SYCP1: variants seen among roughly 807,000 people sequenced by gnomAD.
The protein encoded by SYCP1 is cancer/testis antigen 8.
In SYCP1, 64 loss-of-function variants were observed where a neutral mutation model predicts 153.1. The ratio of observed to expected loss-of-function variants is 0.42; its 90% confidence interval spans 0.34 to 0.51. The LOEUF (loss-of-function observed/expected upper bound fraction) is 0.51, where lower values mean the gene tolerates loss of function less well. Among genes scored for constraint, SYCP1 ranks in the 20% least tolerant of loss-of-function variants. The pLI, the probability that SYCP1 is intolerant of heterozygous loss-of-function variation, is 0.06. For synonymous variants in SYCP1, 384 were observed against 341.8 expected (o/e 1.12, Z -1.36); for missense variants, 997 against 1,049.0 (o/e 0.95, Z 0.68).
intron 27 of SYCP1, among the ~76,000 whole-genome samples, chr1:114,963,602 T>G (rs1324416740): frequency 6.6e-6 from 1 of 152,048 alleles, no homozygotes; most frequent in African/African-American, 2.4e-5. Flanking sequence ...CAGCTTCCAC[T>G]TACAAGTGAG....
intron 27 of SYCP1, among the ~76,000 whole-genome samples, chr1:114,950,937 G>T (rs1221376704): frequency 3.3e-5 from 5 of 151,242 alleles, no homozygotes; most frequent in Non-Finnish European, 7.4e-5. Flanking sequence ...CCATTCTCCT[G>T]CCTCAGCCTC....
chr1:114,910,216 C>G (rs1477511592), intron 16 of SYCP1, 181 bp from the exon 17 acceptor site: 2 of 420,770 alleles, frequency 4.8e-6, no homozygotes, highest in Non-Finnish European at 4.4e-6. Flanking sequence ...GCTGTGTCTA[C>G]TGAATTGTCT....
chr1:114,954,972 G>GGGAGA, intron 27 of SYCP1, among the ~76,000 whole-genome samples: 1 of 152,266 alleles, frequency 6.6e-6, no homozygotes, highest in Admixed American at 6.5e-5. Flanking sequence ...CATGCTTGCA[G>GGGAGA]TATTGATAAA....
At chr1:114,885,160 CTA>C (rs930524440) in intron 12 of SYCP1, among the ~76,000 whole-genome samples, 4 of 152,044 alleles carry the variant, frequency 2.6e-5, no homozygotes, top group Admixed American at 6.5e-5. Flanking sequence ...TCTTTTTATT[CTA>C]TGTTTTATGA....
At chr1:114,866,902 CTTT>C (rs36051645) in intron 8 of SYCP1, among the ~76,000 whole-genome samples, 2 of 139,660 alleles carry the variant, frequency 1.4e-5, no homozygotes, top group Non-Finnish European at 1.6e-5. Flanking sequence ...TGTCCAGATT[CTTT>C]TTTTTTTTTT....
intron 16 of SYCP1, among the ~76,000 whole-genome samples, chr1:114,897,309 C>T (rs1667138958): frequency 6.6e-6 from 1 of 152,024 alleles, no homozygotes; most frequent in South Asian, 2.1e-4. Context: ...GTTGCATGAC[C>T]GTTTTGGAGT....
intron 24 of SYCP1, 130 bp from the exon 25 acceptor site, chr1:114,944,742 T>A: frequency 1.4e-6 from 1 of 732,612 alleles, no homozygotes; most frequent in South Asian, 1.9e-5. Context: ...AACAGTGCAT[T>A]TTCTACTTGT....
chr1:114,944,584 A>G (rs991906182), intron 24 of SYCP1, 129 bp downstream of exon 24: 11 of 639,900 alleles, frequency 1.7e-5, no homozygotes, highest in East Asian at 3.0e-5. Flanking sequence ...GTAAATTTAT[A>G]TAAGGGTCAG....
At chr1:114,994,622 A>T in intron 30 of SYCP1, 76 bp from the exon 31 acceptor site, 6 of 1,134,214 alleles carry the variant, frequency 5.3e-6, no homozygotes, top group Non-Finnish European at 1.2e-6. Flanking sequence ...CTCACATGTG[A>T]TATGTTGACA....
chr1:114,875,021 CT>C, intron 9 of SYCP1, among the ~76,000 whole-genome samples: 2 of 152,176 alleles, frequency 1.3e-5, no homozygotes, highest in Middle Eastern at 6.8e-3. Flanking sequence ...ACTTTTATGT[CT>C]AAGATCTTAT....
At chr1:114,986,112 A>C (rs1156496838) in intron 30 of SYCP1, among the ~76,000 whole-genome samples, 2 of 151,994 alleles carry the variant, frequency 1.3e-5, no homozygotes, top group East Asian at 3.9e-4. Context: ...TTTGGCATGC[A>C]TGGAGGGATC....
chr1:114,909,063 T>C (rs185107163), intron 16 of SYCP1, among the ~76,000 whole-genome samples: 4 of 152,350 alleles, frequency 2.6e-5, no homozygotes, highest in Admixed American at 1.3e-4. Context: ...TTTAATTCTC[T>C]GAGCCTTTGG....
Position 114,981,325 on chromosome 1 carries a change from G to A in SYCP1, c.2383-11G>A. The A allele has an allele frequency of 6.4e-7, 1 of 1,562,232 alleles. No individual in the cohort carries two copies. Among genetic ancestry groups the A allele is most frequent in the Non-Finnish European group, 8.7e-7 (1 of 1,153,808 alleles). On this transcript the variant is annotated splice_polypyrimidine_tract_variant and intron_variant, in intron 28 of 31. Coordinates refer to ENST00000369522, the MANE Select transcript of SYCP1 (RefSeq NM_003176.4). The stretch of plus-strand genomic sequence containing the variant: ...AGTGATGGTTTTATTCATTCTTGTT[G>A]TTCAATGCAGAAAACACAAACATTT...
chr1:114,938,192 A>T (rs569284736), intron 23 of SYCP1, among the ~76,000 whole-genome samples: 1 of 152,204 alleles, frequency 6.6e-6, no homozygotes, highest in African/African-American at 2.4e-5. Flanking sequence ...TGTGGCACAT[A>T]TACACCATGG....
chr1:114,968,753 G>A (rs528123084), intron 27 of SYCP1, among the ~76,000 whole-genome samples: 2 of 152,280 alleles, frequency 1.3e-5, no homozygotes, highest in African/African-American at 2.4e-5. Context: ...GAGGAGAAGA[G>A]GCATTCTGGT....
chr1:114,952,168 C>A (rs1166832772), intron 27 of SYCP1, among the ~76,000 whole-genome samples: 1 of 152,040 alleles, frequency 6.6e-6, no homozygotes, highest in Non-Finnish European at 1.5e-5. Flanking sequence ...TTTTCTGAAA[C>A]AACTACCTAA....
chr1:114,880,586 A>G (rs1665854380), intron 12 of SYCP1, among the ~76,000 whole-genome samples: 1 of 152,132 alleles, frequency 6.6e-6, no homozygotes, highest in African/African-American at 2.4e-5. Flanking sequence ...CAGGTTTTCA[A>G]TTTTGTTTCT....
intron 17 of SYCP1, among the ~76,000 whole-genome samples, chr1:114,911,143 A>G (rs1668150659): frequency 6.6e-6 from 1 of 151,752 alleles, no homozygotes; most frequent in Non-Finnish European, 1.5e-5. Flanking sequence ...GTTTTTTAAG[A>G]CACTACCTGA....
chr1:114,920,562 G>A lies in SYCP1; in HGVS notation c.1719-2887G>A, dbSNP rs1668799667. Reference sequence around the variant, plus strand: ...TCAAAGTCTGGGTGATTTGTCCAGTGCTGAAAGTGGGGTGTTTAAGTTACC... The same window carrying A: ...TCAAAGTCTGGGTGATTTGTCCAGTACTGAAAGTGGGGTGTTTAAGTTACC... On this transcript the variant is annotated intron_variant, in intron 20 of 31. Transcript: ENST00000369522. Among the ~76,000 whole-genome samples, 3 of 152,222 alleles carry A rather than the reference G, an allele frequency of 2.0e-5. No homozygotes were observed. The South Asian group carries it at 6.2e-4, about 32-fold the overall frequency.
Sources: gnomAD v4.1 joint callset for allele counts (sites outside exome capture counted in the v4.1 genomes callset) on GRCh38, gnomAD v4.1.1 for gene constraint, MANE v1.5 for transcripts, NCBI Gene and HGNC (gene_info 2026-07-23, HGNC 2026-07-21) for gene names.